Variants in VTCN1 observed in about 807,000 individuals in gnomAD.
The protein encoded by VTCN1 is V-set domain containing T cell activation inhibitor 1, also known as V-set domain-containing T-cell activation inhibitor 1.
VTCN1 carries 26 observed loss-of-function variants against 26.5 expected under a neutral mutation model. That is an observed-to-expected ratio of 0.98 (90% CI 0.72 to 1.36). VTCN1 has a LOEUF of 1.36. VTCN1 is among the 40% of genes most tolerant of loss of function. The probability of loss-of-function intolerance (pLI) is 0.00; values close to 1 mark genes in which losing one functional copy is unlikely to be tolerated. For synonymous variants in VTCN1, 116 were observed against 130.7 expected (o/e 0.89, Z 0.77); for missense variants, 298 against 337.7 (o/e 0.88, Z 0.92).
chr1:117,169,358 GTC>G lies in VTCN1; in HGVS notation c.97+747_97+748del, dbSNP rs1652776923. ...CATGGTACAGTAGTCATGACCAGTT[GTC>G]TCTTTACCTAAGACCCCTGTGTACA... On this transcript the variant is annotated intron_variant, in intron 2 of 5. Transcript: ENST00000369458. This position sits in a 1 kb window ranked among gnomAD's most constrained non-coding sequence, Gnocchi z 4.0. 6.6e-6 allele frequency among the ~76,000 whole-genome samples: 1 copy of G among 152,160 alleles called. No homozygotes were observed. The highest frequency in any genetic ancestry group is 1.5e-5 in the Non-Finnish European group (1 of 68,038).
Position 117,147,086 on chromosome 1 carries a change from C to G in VTCN1, c.*45+527G>C, listed in dbSNP as rs116636385. Among the ~76,000 whole-genome samples the G allele has an allele frequency of 0.055, 8,298 of 152,106 alleles. 278 individuals are homozygous for G. The highest frequency in any genetic ancestry group is 0.08 in the South Asian group (385 of 4,816). ...ATCGACTGGAACTTCATGATCTCAGCTTTATACACATTTCATATGCAGAAG... is the reference window on the plus strand; with the variant it reads ...ATCGACTGGAACTTCATGATCTCAGGTTTATACACATTTCATATGCAGAAG... On this transcript the variant is annotated intron_variant, in intron 5 of 5. Transcript: ENST00000369458. The surrounding 1 kb of genome is among the most constrained non-coding windows in gnomAD (Gnocchi z 4.6).
intron 1 of VTCN1, 64 bp downstream of exon 1, chr1:117,210,760 A>G (rs896346314): frequency 6.4e-7 from 1 of 1,565,826 alleles, no homozygotes; most frequent in African/African-American, 1.3e-5. Flanking sequence ...AGTGCTCAGC[A>G]TCCCCAAAAG....
intron 1 of VTCN1, among the ~76,000 whole-genome samples, chr1:117,208,298 C>T (rs1649199502): frequency 6.6e-6 from 1 of 152,148 alleles, no homozygotes; most frequent in Non-Finnish European, 1.5e-5. Flanking sequence ...CCTAGACAGC[C>T]TTTTCCACCC....
At chr1:117,189,971 C>T (rs957748620) in intron 1 of VTCN1, among the ~76,000 whole-genome samples, 1 of 152,202 alleles carries the variant, frequency 6.6e-6, no homozygotes, top group Non-Finnish European at 1.5e-5. Context: ...CCAGAAATAG[C>T]TTCATCCTCT....
intron 4 of VTCN1, among the ~76,000 whole-genome samples, chr1:117,149,925 G>C (rs890126703): frequency 6.6e-6 from 1 of 152,028 alleles, no homozygotes; most frequent in Non-Finnish European, 1.5e-5. Context: ...CTGACACTTC[G>C]AACACTTGTT....
Position 117,159,447 on chromosome 1 carries a change from C to T in VTCN1, c.98-2526G>A, listed in dbSNP as rs149004208. Among the ~76,000 whole-genome samples the T allele has an allele frequency of 2.8e-4, 43 of 152,292 alleles. No homozygotes were observed. The highest frequency in any genetic ancestry group is 9.9e-4 in the African/African-American group (41 of 41,556). Reference sequence around the variant, plus strand: ...TACCATGAGAACAGTATGGGGGGAACCACCCCCATGATTCAAATGATCTCC... The same window carrying T: ...TACCATGAGAACAGTATGGGGGGAATCACCCCCATGATTCAAATGATCTCC... On this transcript the variant is annotated intron_variant, in intron 2 of 5. Coordinates refer to ENST00000369458, the MANE Select transcript of VTCN1 (RefSeq NM_024626.4). This position sits in a 1 kb window ranked among gnomAD's most constrained non-coding sequence, Gnocchi z 4.7.
chr1:117,181,060 G>A (rs1235513144), intron 1 of VTCN1, among the ~76,000 whole-genome samples: 2 of 152,130 alleles, frequency 1.3e-5, no homozygotes, highest in Non-Finnish European at 2.9e-5. Flanking sequence ...CTATCGTGAG[G>A]GTCCAAAGAA....
In VTCN1 at chr1:117,146,731, C is replaced by A. The variant is rs1241653580; in HGVS notation, c.*45+882G>T. ...GGTAGGTATGCTTCTGTGACTTTGA[C>A]TTCGATATAGTTATGCCCAGAGAGT... is the stretch of plus-strand genomic sequence containing the variant. On this transcript the variant is annotated intron_variant, in intron 5 of 5. Transcript: ENST00000369458. This position sits in a 1 kb window ranked among gnomAD's most constrained non-coding sequence, Gnocchi z 4.2. Among the ~76,000 whole-genome samples, 1 of 152,134 alleles carries A rather than the reference C, an allele frequency of 6.6e-6. No individual in the cohort carries two copies. The highest frequency in any genetic ancestry group is 1.5e-5 in the Non-Finnish European group (1 of 68,024).
At position 117,159,642 on chromosome 1, in the gene VTCN1, T is replaced by C. The variant is rs1336238022; in HGVS notation, c.98-2721A>G. 6.6e-6 allele frequency among the ~76,000 whole-genome samples: 1 copy of C among 152,246 alleles called. No homozygotes were observed. Among genetic ancestry groups the C allele is most frequent in the African/African-American group, 2.4e-5 (1 of 41,458 alleles). On this transcript the variant is annotated intron_variant, in intron 2 of 5. Transcript: ENST00000369458. This position sits in a 1 kb window ranked among gnomAD's most constrained non-coding sequence, Gnocchi z 4.7. ...AACTGTAATTACACATATAAGGTAT[T>C]GTTATTCTCAGTTAACCAGAAGTAG...
At chr1:117,200,828 G>A (rs1648749084) in intron 1 of VTCN1, among the ~76,000 whole-genome samples, 2 of 152,162 alleles carry the variant, frequency 1.3e-5, no homozygotes, top group African/African-American at 4.8e-5. Context: ...GGAGTGCAGT[G>A]GTGTGATCTC....
intron 1 of VTCN1, among the ~76,000 whole-genome samples, chr1:117,199,384 G>C (rs1648679691): frequency 6.6e-6 from 1 of 152,084 alleles, no homozygotes; most frequent in Non-Finnish European, 1.5e-5. Context: ...GGAGTGCAAT[G>C]GCGCGATCTC....
intron 1 of VTCN1, among the ~76,000 whole-genome samples, chr1:117,184,310 G>A (rs899879295): frequency 6.6e-6 from 1 of 151,986 alleles, no homozygotes; most frequent in Admixed American, 6.6e-5. Context: ...GGGCAGCACT[G>A]GGCTATCTGC....
intron 1 of VTCN1, among the ~76,000 whole-genome samples, chr1:117,197,176 G>A (rs6682186): frequency 0.52 from 78,941 of 152,014 alleles, 20,796 homozygotes; most frequent in African/African-American, 0.56. Flanking sequence ...TAGTGAAACT[G>A]TAAGTACTTA....
At chr1:117,179,666 T>A (rs908629729) in intron 1 of VTCN1, among the ~76,000 whole-genome samples, 1 of 152,238 alleles carries the variant, frequency 6.6e-6, no homozygotes, top group Non-Finnish European at 1.5e-5. Context: ...AAAGGCCCTT[T>A]CAAATAATTA....
chr1:117,147,630 T>C lies in VTCN1; in HGVS notation c.*28A>G, dbSNP rs146484330. On this transcript the variant is annotated 3_prime_UTR_variant, in exon 5 of 6. Transcript: ENST00000369458. This position sits in a 1 kb window ranked among gnomAD's most constrained non-coding sequence, Gnocchi z 4.6. The stretch of plus-strand genomic sequence containing the variant: ...AATCTCACCTGTTGTAACAATGACT[T>C]TGCATGCTTTTTTGTGGCCGAGGCA... The C allele has an allele frequency of 7.9e-4, 1,278 of 1,610,034 alleles. 9 individuals are homozygous for C. In the African/African-American group the frequency reaches 0.014, roughly 18 times the overall value.
At chr1:117,170,887 G>A (rs557975949) in intron 1 of VTCN1, among the ~76,000 whole-genome samples, 4 of 152,020 alleles carry the variant, frequency 2.6e-5, no homozygotes, top group African/African-American at 7.2e-5. Flanking sequence ...TGTGCAGAAC[G>A]TGCAGGTTCG....
At chr1:117,182,112 C>T (rs1009770918) in intron 1 of VTCN1, among the ~76,000 whole-genome samples, 12 of 152,148 alleles carry the variant, frequency 7.9e-5, no homozygotes, top group East Asian at 1.9e-4. Flanking sequence ...GAAACAAGTA[C>T]GTCTATTGCC....
rs201137610 is a variant in VTCN1, at chr1:117,175,755, A to ATCTC, written c.33-5588_33-5585dup. ...AAAATAAACCAGAAGAGAGATACCT[A>ATCTC]TCTCTCTCTCTCTCTCTCTTTTTTT... On this transcript the variant is annotated intron_variant, in intron 1 of 5. Coordinates refer to ENST00000369458, the MANE Select transcript of VTCN1 (RefSeq NM_024626.4). The surrounding 1 kb of genome is among the most constrained non-coding windows in gnomAD (Gnocchi z 4.2). Among the ~76,000 whole-genome samples the ATCTC allele has an allele frequency of 2.9e-5, 4 of 140,226 alleles. No homozygotes were observed. The highest frequency in any genetic ancestry group is 4.5e-5 in the Non-Finnish European group (3 of 65,996). 92.0% of individuals were successfully genotyped at this position (140,226 alleles called of 152,430 possible).
chr1:117,192,827 A>G (rs1015893430), intron 1 of VTCN1, among the ~76,000 whole-genome samples: 2 of 152,220 alleles, frequency 1.3e-5, no homozygotes, highest in African/African-American at 4.8e-5. Flanking sequence ...TCAAATCACA[A>G]AGGAAGACAG....
Sources: gnomAD v4.1 joint callset for allele counts (sites outside exome capture counted in the v4.1 genomes callset) on GRCh38, gnomAD v4.1.1 for gene constraint, Gnocchi (gnomAD v3.1) non-coding constraint, MANE v1.5 for transcripts, NCBI Gene and HGNC (gene_info 2026-07-23, HGNC 2026-07-21) for gene names.